RBAK: variants seen among roughly 807,000 people sequenced by gnomAD.
RBAK encodes RB associated KRAB zinc finger.
A neutral mutation model predicts 65.8 loss-of-function variants in RBAK; 39 were observed. The ratio of observed to expected loss-of-function variants is 0.59; its 90% CI spans 0.46 to 0.77. The LOEUF (loss-of-function observed/expected upper bound fraction) is 0.77, where lower values mean the gene tolerates loss of function less well. RBAK is among the 30% of genes least tolerant of loss of function. RBAK has a pLI of 0.00. For missense variants in RBAK, 884 were observed against 855.1 expected (o/e 1.03, Z -0.42); for synonymous variants, 343 against 289.7 (o/e 1.18, Z -1.87).
rs1265728723 is a variant in RBAK, at chr7:5,045,894, G to A, written c.-547G>A. The A allele has an allele frequency of 8.6e-6, 3 of 347,428 alleles. No homozygotes were observed. Among genetic ancestry groups the A allele is most frequent in the East Asian group, 1.4e-4 (1 of 6,898 alleles). 21.5% of individuals were successfully genotyped at this position (347,428 alleles called of 1,614,324 possible). A position where few individuals can be genotyped will look rare whatever the true frequency, so the allele number is the denominator to read the frequency against. On this transcript the variant is annotated 5_prime_UTR_variant, in exon 1 of 5. Coordinates refer to ENST00000396912, the MANE Select transcript of RBAK (RefSeq NM_021163.4). ...GCTTCCTGTGCGTCCTCAGGTCACC[G>A]CTTGCTCTAGTTCCCAGGCTTTGGC...
chr7:5,067,657 T>C lies in RBAK; in HGVS notation c.*2056T>C, dbSNP rs1284104343. On this transcript the variant is annotated 3_prime_UTR_variant, in exon 5 of 5. Coordinates refer to ENST00000396912, the MANE Select transcript of RBAK (RefSeq NM_021163.4). Reference sequence around the variant, plus strand: ...TATCCTGTAGAATGGACAGAGAGGATTGAAATTTCTAAATATCAAGACCTG... The same window carrying C: ...TATCCTGTAGAATGGACAGAGAGGACTGAAATTTCTAAATATCAAGACCTG... 2.0e-5 allele frequency: 3 copies of C among 152,192 alleles called. No homozygotes were observed. The highest frequency in any genetic ancestry group is 4.1e-4 in the South Asian group (2 of 4,832). The allele number at this position is 152,192 out of a possible 1,614,324, so 9.4% of individuals were successfully genotyped here. A position where few individuals can be genotyped will look rare whatever the true frequency, so the allele number is the denominator to read the frequency against.
chr7:5,062,138 G>A (rs1170454961), intron 4 of RBAK, among the ~76,000 whole-genome samples: 1 of 152,180 alleles, frequency 6.6e-6, no homozygotes. Context: ...AATTGTAATA[G>A]ATGTCTCCCA....
chr7:5,052,162 T>C (rs766338058), intron 2 of RBAK, among the ~76,000 whole-genome samples: 1 of 152,238 alleles, frequency 6.6e-6, no homozygotes, highest in Non-Finnish European at 1.5e-5. Context: ...ATGTACTTTG[T>C]TATTTATGTA....
chr7:5,047,693 T>C (rs1788025234), intron 1 of RBAK, among the ~76,000 whole-genome samples: 1 of 130,616 alleles, frequency 7.7e-6, no homozygotes. Flanking sequence ...AACCTCCACC[T>C]CCCAGGTTCA....
chr7:5,061,884 C>T (rs577765627), intron 4 of RBAK, among the ~76,000 whole-genome samples: 3 of 150,178 alleles, frequency 2.0e-5, no homozygotes, highest in Non-Finnish European at 3.0e-5. Flanking sequence ...GGTGATAGAG[C>T]GAGACTCCAT....
At chr7:5,054,031 A>C (rs1430156843) in intron 2 of RBAK, among the ~76,000 whole-genome samples, 1 of 152,094 alleles carries the variant, frequency 6.6e-6, no homozygotes, top group Non-Finnish European at 1.5e-5. Flanking sequence ...GGAAACACTC[A>C]AGGCAGAAGT....
intron 2 of RBAK, among the ~76,000 whole-genome samples, chr7:5,053,519 G>A (rs891343285): frequency 1.3e-5 from 2 of 151,930 alleles, no homozygotes; most frequent in African/African-American, 4.8e-5. Context: ...TGGGTTTATG[G>A]TGTCATCACT....
At position 5,065,155 on chromosome 7, in the gene RBAK, T is replaced by G; in HGVS notation, c.1699T>G (p.Tyr567Asp). 1 of 1,613,944 alleles carries G rather than the reference T, an allele frequency of 6.2e-7. No individual in the cohort carries two copies. Among genetic ancestry groups the G allele is most frequent in the Non-Finnish European group, 8.5e-7 (1 of 1,179,952 alleles). ...TAGAAGTCATTCAGAAGAGAAACCTTATGGATGTAGCGAATGTGGGAAAAC... is the reference window on the plus strand; with the variant it reads ...TAGAAGTCATTCAGAAGAGAAACCTGATGGATGTAGCGAATGTGGGAAAAC... ...HYRSHSEEKP[Y>D]GCSECGKTFS... The change falls in exon 5 of 5, where the codon TAT (tyrosine) becomes GAT (aspartate). Residue 567 changes from tyrosine (Y) to aspartate (D), a missense_variant. By Grantham distance (160) the Tyr-to-Asp change is radical. Transcript: ENST00000396912. This position sits in a 1 kb window ranked among gnomAD's most constrained non-coding sequence, Gnocchi z 5.3.
At chr7:5,049,543 C>G (rs148892264) in intron 2 of RBAK, among the ~76,000 whole-genome samples, 109 of 152,244 alleles carry the variant, frequency 7.2e-4, no homozygotes, top group African/African-American at 2.0e-3. Flanking sequence ...GCAGTCAAAT[C>G]CAGAGGGGAT....
rs1424221743 is a variant in RBAK, at chr7:5,069,421, A to C, written c.*3820A>C. On this transcript the variant is annotated 3_prime_UTR_variant, in exon 5 of 5. Transcript: ENST00000396912. The stretch of plus-strand genomic sequence containing the variant: ...ACTTTGTCATCCTATACTTTTGCAT[A>C]TATAAATAGGTCTGAGCTGCCTCTT... The C allele has an allele frequency of 3.3e-5, 5 of 152,234 alleles. No individual in the cohort carries two copies. Among genetic ancestry groups the C allele is most frequent in the Admixed American group, 2.6e-4 (4 of 15,282 alleles). The allele number at this position is 152,234 out of a possible 1,614,324, so 9.4% of individuals were successfully genotyped here.
chr7:5,063,477 C>CTGTGTGTG (rs71535175), intron 4 of RBAK, among the ~76,000 whole-genome samples: 9,076 of 147,174 alleles, frequency 0.062, 316 homozygotes, highest in East Asian at 0.11. Flanking sequence ...AATTCTTTCA[C>CTGTGTGTG]TGTGTGTGTG....
chr7:5,049,564 C>T (rs1279694978), intron 2 of RBAK, among the ~76,000 whole-genome samples: 1 of 152,182 alleles, frequency 6.6e-6, no homozygotes, highest in African/African-American at 2.4e-5. Flanking sequence ...TTCCTAGCCC[C>T]TACCTCCCAG....
Position 5,066,373 on chromosome 7 carries a change from G to C in RBAK, c.*772G>C, listed in dbSNP as rs1458401645. The C allele has an allele frequency of 1.3e-5, 2 of 152,158 alleles. No homozygotes were observed. The highest frequency in any genetic ancestry group is 4.8e-5 in the African/African-American group (2 of 41,438). The allele number at this position is 152,158 out of a possible 1,614,324, so 9.4% of individuals were successfully genotyped here. On this transcript the variant is annotated 3_prime_UTR_variant, in exon 5 of 5. Transcript: ENST00000396912. ...TTTTGTAAAGTTTTCAACTGCATCT[G>C]AGTAAGATAAGATTTTCTAAAAGAC...
intron 2 of RBAK, among the ~76,000 whole-genome samples, chr7:5,054,446 G>A (rs538920780): frequency 6.6e-5 from 10 of 150,804 alleles, no homozygotes; most frequent in East Asian, 1.9e-4. Context: ...TATGTTCTCC[G>A]TTTTATTTTT....
Position 5,065,448 on chromosome 7 carries a change from A to G in RBAK, c.1992A>G (p.Ser664=), listed in dbSNP as rs746821290. The G allele has an allele frequency of 7.3e-5, 118 of 1,613,832 alleles. No individual in the cohort carries two copies. Among genetic ancestry groups the G allele is most frequent in the East Asian group, 1.1e-4 (5 of 44,880 alleles). Residue 664 remains serine (S), a synonymous_variant, in exon 5 of 5, where the codon TCA becomes TCG. Coordinates refer to ENST00000396912, the MANE Select transcript of RBAK (RefSeq NM_021163.4). The surrounding 1 kb of genome is among the most constrained non-coding windows in gnomAD (Gnocchi z 5.3). The part of the protein sequence containing the change: ...NECGKVFSQK[S]YLTVHYRTHS... ...GTGGGAAAGTCTTTTCTCAGAAGTCATACCTCACTGTACACTATAGAACTC... is the reference window on the plus strand; with the variant it reads ...GTGGGAAAGTCTTTTCTCAGAAGTCGTACCTCACTGTACACTATAGAACTC...
In RBAK at chr7:5,065,823, A is replaced by T. The variant is rs113950048; in HGVS notation, c.*222A>T. 7 of 356,064 alleles carry T rather than the reference A, an allele frequency of 2.0e-5. No homozygotes were observed. The highest frequency in any genetic ancestry group is 3.0e-5 in the Non-Finnish European group (6 of 200,130). 22.1% of individuals were successfully genotyped at this position (356,064 alleles called of 1,614,324 possible). A position where few individuals can be genotyped will look rare whatever the true frequency, so the allele number is the denominator to read the frequency against. On this transcript the variant is annotated 3_prime_UTR_variant, in exon 5 of 5. Transcript: ENST00000396912. The surrounding 1 kb of genome is among the most constrained non-coding windows in gnomAD (Gnocchi z 5.3). The stretch of plus-strand genomic sequence containing the variant: ...TACGACTCATCGGACACTAATTTAT[A>T]TAGGAGTGAAGTTTTATAAATATTT...
In RBAK at chr7:5,063,954, T is replaced by A; in HGVS notation, c.498T>A (p.Asn166Lys). The change falls in exon 5 of 5, where the codon AAT (asparagine) becomes AAA (lysine). Residue 166 changes from asparagine (N) to lysine (K), a missense_variant. By Grantham distance (94) the Asn-to-Lys change is moderately conservative. Transcript: ENST00000396912. Reference protein sequence around the residue: ...SYARTKPDECNECGKTYHGEK... With the variant: ...SYARTKPDECKECGKTYHGEK... ...CTAGGACAAAACCTGATGAGTGTAA[T>A]GAATGTGGGAAAACATATCATGGAG... 1 of 1,614,058 alleles carries A rather than the reference T, an allele frequency of 6.2e-7. No homozygotes were observed. The highest frequency in any genetic ancestry group is 8.5e-7 in the Non-Finnish European group (1 of 1,179,976).
At chr7:5,063,318 T>G (rs964565490) in intron 4 of RBAK, among the ~76,000 whole-genome samples, 1 of 152,236 alleles carries the variant, frequency 6.6e-6, no homozygotes, top group Non-Finnish European at 1.5e-5. Flanking sequence ...TTTGCCTGGA[T>G]CTGACGTACT....
Position 5,064,556 on chromosome 7 carries a change from A to G in RBAK, c.1100A>G (p.His367Arg). 1 of 1,614,070 alleles carries G rather than the reference A, an allele frequency of 6.2e-7. No individual in the cohort carries two copies. The highest frequency in any genetic ancestry group is 8.5e-7 in the Non-Finnish European group (1 of 1,179,944). Reference protein sequence around the residue: ...KTHLTLHQRNHSGERPYPCNE... With the variant: ...KTHLTLHQRNRSGERPYPCNE... ...CATCTCACCCTGCACCAGAGGAATC[A>G]TTCAGGAGAGAGGCCCTATCCATGT... The change falls in exon 5 of 5, where the codon CAT becomes CGT. Residue 367 changes from histidine (H) to arginine (R), a missense_variant. By Grantham distance (29) the His-to-Arg change is conservative. Coordinates refer to ENST00000396912, the MANE Select transcript of RBAK (RefSeq NM_021163.4). The surrounding 1 kb of genome is among the most constrained non-coding windows in gnomAD (Gnocchi z 6.3).
Sources: allele counts gnomAD v4.1 joint callset (sites outside exome capture counted in the v4.1 genomes callset), GRCh38; gene constraint gnomAD v4.1.1; non-coding constraint Gnocchi (gnomAD v3.1); transcripts MANE v1.5; gene names NCBI Gene and HGNC (gene_info 2026-07-23, HGNC 2026-07-21).